Variants in MACC1 observed in about 807,000 individuals in gnomAD.
MACC1 encodes metastasis-associated in colon cancer protein 1.
Under a neutral mutation model 70.7 loss-of-function variants are expected in MACC1, and 79 were observed. That is an observed-to-expected ratio of 1.12 (90% confidence interval 0.93 to 1.35). The LOEUF is 1.35. MACC1 is among the 40% of genes most tolerant of loss of function. MACC1 has a pLI of 0.00. For synonymous variants in MACC1, 361 were observed against 347.2 expected (o/e 1.04, Z -0.44); for missense variants, 1,106 against 978.1 (o/e 1.13, Z -1.74).
rs139722612 is a variant in MACC1, at chr7:20,176,246, C to T, written c.-217-5468G>A. On this transcript the variant is annotated intron_variant, in intron 1 of 6. Transcript: ENST00000400331. ...AACATATACATAAAACATCATGTTG[C>T]GCATCTTAAATATATACAATCTTCA... Among the ~76,000 whole-genome samples, 223 of 152,038 alleles carry T rather than the reference C, an allele frequency of 1.5e-3. 1 individual carries two copies. Among genetic ancestry groups the T allele is most frequent in the Non-Finnish European group, 1.8e-3 (123 of 67,908 alleles).
chr7:20,163,635 T>A (rs1295413896), intron 3 of MACC1, among the ~76,000 whole-genome samples: 1 of 152,340 alleles, frequency 6.6e-6, no homozygotes, highest in African/African-American at 2.4e-5. Flanking sequence ...TGGTAGTCAG[T>A]ATCTCATGTC....
chr7:20,192,430 T>C (rs1782687030), intron 1 of MACC1, among the ~76,000 whole-genome samples: 1 of 152,208 alleles, frequency 6.6e-6, no homozygotes, highest in Non-Finnish European at 1.5e-5. Flanking sequence ...TGCCCTAAGA[T>C]CGTCACGCTG....
intron 6 of MACC1, among the ~76,000 whole-genome samples, chr7:20,153,032 A>G (rs1782003626): frequency 6.6e-6 from 1 of 152,114 alleles, no homozygotes; most frequent in African/African-American, 2.4e-5. Flanking sequence ...ACCAAATGCT[A>G]TATTATGCTT....
rs1272275255 is a variant in MACC1, at chr7:20,159,137, AC to A, written c.1223del (p.Gly408ValfsTer26). ...ACACAACTGGAGATATGTTTTTTCC[AC>A]CCTTCTTAATATCAGAAATTGTAAG... is the stretch of plus-strand genomic sequence containing the variant. ...GQLTISDIKK[G>X]GKNISPVVFQ... On this transcript the variant is annotated frameshift_variant, in exon 5 of 7. Coordinates refer to ENST00000400331, the MANE Select transcript of MACC1 (RefSeq NM_182762.4). LOFTEE classifies it high-confidence loss of function. The A allele has an allele frequency of 6.2e-7, 1 of 1,613,824 alleles. No homozygotes were observed. Among genetic ancestry groups the A allele is most frequent in the East Asian group, 2.2e-5 (1 of 44,874 alleles).
At chr7:20,146,165 A>G (rs1165513079) in intron 6 of MACC1, among the ~76,000 whole-genome samples, 7 of 151,664 alleles carry the variant, frequency 4.6e-5, no homozygotes, top group African/African-American at 1.7e-4. Context: ...AAAAAAAAAA[A>G]GTAAATCTCT....
intron 5 of MACC1, among the ~76,000 whole-genome samples, chr7:20,156,335 G>T (rs1583386208): frequency 2.6e-5 from 4 of 152,194 alleles, no homozygotes; most frequent in Admixed American, 2.6e-4. Context: ...CTCCCCGCTT[G>T]AATGGAGTCT....
At chr7:20,187,689 C>G (rs1048496338) in intron 1 of MACC1, among the ~76,000 whole-genome samples, 5 of 152,168 alleles carry the variant, frequency 3.3e-5, no homozygotes, top group Non-Finnish European at 7.4e-5. Flanking sequence ...TCCTACTGAT[C>G]AGACTTGCTT....
rs140725248 is a variant in MACC1, at chr7:20,157,338, C to T, written c.2157+866G>A. Among the ~76,000 whole-genome samples, 5 of 151,928 alleles carry T rather than the reference C, an allele frequency of 3.3e-5. No homozygotes were observed. The East Asian group carries it at 7.7e-4, about 23-fold the overall frequency. Reference sequence around the variant, plus strand: ...CTTTGTAATTCTACACTGAGCCTTCCACTGGGTTGAATACTACACTAAAGA... The same window carrying T: ...CTTTGTAATTCTACACTGAGCCTTCTACTGGGTTGAATACTACACTAAAGA... On this transcript the variant is annotated intron_variant, in intron 5 of 6. Coordinates refer to ENST00000400331, the MANE Select transcript of MACC1 (RefSeq NM_182762.4).
At chr7:20,170,113 T>G (rs558669847) in intron 2 of MACC1, 1 of 152,344 alleles carries the variant, frequency 6.6e-6, no homozygotes, top group East Asian at 1.9e-4. Flanking sequence ...GCAGAGGCAC[T>G]GGAGTGCAAT....
intron 5 of MACC1, 35 bp downstream of exon 5, chr7:20,158,169 A>T (rs1344681953): frequency 2.6e-6 from 4 of 1,525,188 alleles, no homozygotes; most frequent in Non-Finnish European, 3.5e-6. Context: ...ACAATTCTCG[A>T]TGGCAATTCA....
chr7:20,196,001 A>G (rs1782745823), intron 1 of MACC1, among the ~76,000 whole-genome samples: 1 of 151,926 alleles, frequency 6.6e-6, no homozygotes. Flanking sequence ...CTGCAAAGGG[A>G]TGGGGTGTAA....
intron 6 of MACC1, among the ~76,000 whole-genome samples, chr7:20,151,182 A>G (rs1240199476): frequency 1.3e-5 from 2 of 152,192 alleles, no homozygotes; most frequent in Non-Finnish European, 2.9e-5. Context: ...AGCCATAGAA[A>G]AAGTATTGTC....
At position 20,150,939 on chromosome 7, in the gene MACC1, T is replaced by G. The variant is rs140180060; in HGVS notation, c.2346+3254A>C. 8.9e-4 allele frequency among the ~76,000 whole-genome samples: 136 copies of G among 152,026 alleles called. 3 individuals carry two copies. The East Asian group carries it at 0.023, about 25-fold the overall frequency. ...GGCATGCGCCTGTAATCCCAGCTACTTGGGAGGCTGAGGCAGGAGAATCTC... is the reference window on the plus strand; with the variant it reads ...GGCATGCGCCTGTAATCCCAGCTACGTGGGAGGCTGAGGCAGGAGAATCTC... On this transcript the variant is annotated intron_variant, in intron 6 of 6. Coordinates refer to ENST00000400331, the MANE Select transcript of MACC1 (RefSeq NM_182762.4).
intron 1 of MACC1, among the ~76,000 whole-genome samples, chr7:20,203,102 C>G (rs1782856191): frequency 6.6e-6 from 1 of 152,046 alleles, no homozygotes; most frequent in Non-Finnish European, 1.5e-5. Context: ...CCCAGTTGGT[C>G]CCATATATCT....
At chr7:20,203,447 T>G (rs1782861625) in intron 1 of MACC1, among the ~76,000 whole-genome samples, 1 of 152,208 alleles carries the variant, frequency 6.6e-6, no homozygotes, top group Non-Finnish European at 1.5e-5. Flanking sequence ...ATACATGCAC[T>G]TTGGAAGATC....
chr7:20,167,679 C>T (rs941747931), intron 2 of MACC1, among the ~76,000 whole-genome samples: 3 of 151,452 alleles, frequency 2.0e-5, no homozygotes, highest in Non-Finnish European at 1.5e-5. Context: ...CCAGAGGAAG[C>T]GAAATTTGAG....
chr7:20,154,388 CA>C lies in MACC1; in HGVS notation c.2158-8del. ...AATCCATTTTCAGAAGAGCCTGCAG[CA>C]ACAATTACATGTCACAATTAAAAGC... On this transcript the variant is annotated splice_region_variant and splice_polypyrimidine_tract_variant and intron_variant, in intron 5 of 6. Transcript: ENST00000400331. The C allele has an allele frequency of 6.2e-7, 1 of 1,610,604 alleles. No individual in the cohort carries two copies. The highest frequency in any genetic ancestry group is 1.1e-5 in the South Asian group (1 of 90,710).
intron 1 of MACC1, among the ~76,000 whole-genome samples, chr7:20,180,847 A>G (rs1054555268): frequency 1.3e-5 from 2 of 152,188 alleles, no homozygotes; most frequent in African/African-American, 4.8e-5. Flanking sequence ...CCTGCATCTC[A>G]AATAACAATA....
At chr7:20,213,788 G>A (rs1783031041) in intron 1 of MACC1, among the ~76,000 whole-genome samples, 1 of 152,064 alleles carries the variant, frequency 6.6e-6, no homozygotes, top group South Asian at 2.1e-4. Flanking sequence ...AGAGGGTCAA[G>A]ATAAATAACT....
Sources: gnomAD v4.1 joint callset for allele counts (sites outside exome capture counted in the v4.1 genomes callset) on GRCh38, gnomAD v4.1.1 for gene constraint, MANE v1.5 for transcripts, NCBI Gene and HGNC (gene_info 2026-07-23, HGNC 2026-07-21) for gene names.